Variants in STAM2 observed in about 807,000 individuals in gnomAD.
STAM2 encodes the protein signal transducing adaptor molecule 2, also known as signal transducing adapter molecule 2.
In STAM2, 51 loss-of-function variants were observed where a neutral mutation model predicts 65.6. The ratio of observed to expected loss-of-function variants is 0.78; its 90% CI spans 0.62 to 0.98. The LOEUF is 0.98. Ranked by LOEUF, STAM2 falls within the 50% of genes least tolerant of loss-of-function variation. The pLI is 0.00. For missense variants in STAM2, 584 were observed against 617.8 expected, an observed-to-expected ratio of 0.95 and a Z score of 0.58; for synonymous variants, 198 against 208.4, an observed-to-expected ratio of 0.95 and a Z score of 0.43.
At position 152,145,363 on chromosome 2, in the gene STAM2, C is replaced by T. The variant is rs561878127; in HGVS notation, c.448-406G>A. Among the ~76,000 whole-genome samples, 6 of 152,292 alleles carry T rather than the reference C, an allele frequency of 3.9e-5. No homozygotes were observed. In the South Asian group the frequency reaches 1.2e-3, roughly 32 times the overall value. On this transcript the variant is annotated intron_variant, in intron 5 of 13. Coordinates refer to ENST00000263904, the MANE Select transcript of STAM2 (RefSeq NM_005843.6). ...AGATTACAGGCATGAGCCACCATCA[C>T]TGGTCTAAAAGTGAAGTTCTTTATA...
chr2:152,124,163 T>C, intron 12 of STAM2: 1 of 488,388 alleles, frequency 2.0e-6, no homozygotes, highest in South Asian at 2.6e-5. Flanking sequence ...TACAGAGAGC[T>C]GGGAGAAAGA....
rs200267011 is a variant in STAM2, at chr2:152,120,815, T to A, written c.1350-13A>T. On this transcript the variant is annotated splice_polypyrimidine_tract_variant and intron_variant, in intron 13 of 13. Coordinates refer to ENST00000263904, the MANE Select transcript of STAM2 (RefSeq NM_005843.6). ...GTCTTGTCCAGTGCTACAAACAAAATTTTAAAAAGAAAACCATATTTACTT... is the reference window on the plus strand; with the variant it reads ...GTCTTGTCCAGTGCTACAAACAAAAATTTAAAAAGAAAACCATATTTACTT... 2,125 of 1,602,688 alleles carry A rather than the reference T, an allele frequency of 1.3e-3. 2 individuals are homozygous for A. The highest frequency in any genetic ancestry group is 1.7e-3 in the Non-Finnish European group (1,946 of 1,169,864).
At chr2:152,168,530 T>G (rs1338357117) in intron 1 of STAM2, among the ~76,000 whole-genome samples, 5 of 152,176 alleles carry the variant, frequency 3.3e-5, no homozygotes, top group Admixed American at 1.3e-4. Flanking sequence ...CACATCCACC[T>G]AACTACACTG....
chr2:152,162,077 C>T (rs1689688792), intron 1 of STAM2, among the ~76,000 whole-genome samples: 1 of 152,192 alleles, frequency 6.6e-6, no homozygotes, highest in South Asian at 2.1e-4. Flanking sequence ...CTCATCTTGG[C>T]CTCCCAAAGT....
At chr2:152,120,948 C>T (rs151041326) in intron 13 of STAM2, 146 bp from the exon 14 acceptor site, 9 of 637,970 alleles carry the variant, frequency 1.4e-5, no homozygotes, top group Non-Finnish European at 2.5e-5. Context: ...ATCATTCCAG[C>T]CATTGAATAC....
rs1187317228 is a variant in STAM2, at chr2:152,119,514, A to C, written c.*1060T>G. The C allele has an allele frequency of 6.6e-6, 1 of 152,130 alleles. No homozygotes were observed. Among genetic ancestry groups the C allele is most frequent in the South Asian group, 2.1e-4 (1 of 4,826 alleles). The allele number at this position is 152,130 out of a possible 1,614,324, so 9.4% of individuals were successfully genotyped here. On this transcript the variant is annotated 3_prime_UTR_variant, in exon 14 of 14. Transcript: ENST00000263904. ...AATCACCTCTTTAAAAAAACAACAC[A>C]CCACTAAAAACACACTTATCATCCA... is the stretch of plus-strand genomic sequence containing the variant.
intron 10 of STAM2, among the ~76,000 whole-genome samples, chr2:152,132,461 T>C (rs1441628359): frequency 6.6e-6 from 1 of 152,166 alleles, no homozygotes; most frequent in African/African-American, 2.4e-5. Context: ...TCTAGAAAAC[T>C]ATGATTAGTT....
At chr2:152,137,181 C>T (rs1233221311) in intron 7 of STAM2, among the ~76,000 whole-genome samples, 1 of 152,100 alleles carries the variant, frequency 6.6e-6, no homozygotes, top group Non-Finnish European at 1.5e-5. Context: ...AGCCACCGCA[C>T]CCGGCCATAA....
rs147447051 is a variant in STAM2, at chr2:152,168,662, A to G, written c.40+6941T>C. Among the ~76,000 whole-genome samples, 396 of 152,328 alleles carry G rather than the reference A, an allele frequency of 2.6e-3. 1 individual carries two copies. The highest frequency in any genetic ancestry group is 4.1e-3 in the African/African-American group (171 of 41,578). On this transcript the variant is annotated intron_variant, in intron 1 of 13. Transcript: ENST00000263904. ...AATAAAAATATATTTTAAACCATCA[A>G]TATCAGCTGATGTGAAACAAAAATA...
At chr2:152,132,092 A>G (rs957739388) in intron 11 of STAM2, 22 bp downstream of exon 11, 2 of 1,559,160 alleles carry the variant, frequency 1.3e-6, no homozygotes, top group East Asian at 4.9e-5. Context: ...TATACTTTTT[A>G]TTCCTGCACG....
chr2:152,132,165 A>G lies in STAM2; in HGVS notation c.974T>C (p.Ile325Thr), dbSNP rs748159106. The G allele has an allele frequency of 9.3e-6, 15 of 1,606,778 alleles. No individual in the cohort carries two copies. The highest frequency in any genetic ancestry group is 1.2e-5 in the Non-Finnish European group (14 of 1,176,004). ...TATCATTGGACCCATCTGTTGGCAG[A>G]TATCTGTAAATACAAAAATACTTAC... ...DSQDLLDLEDICQQMGPMIDE... is the reference protein window; with the variant it reads ...DSQDLLDLEDTCQQMGPMIDE... Residue 325 changes from isoleucine to threonine, a missense_variant, in exon 11 of 14, where the codon ATC becomes ACC. Coordinates refer to ENST00000263904, the MANE Select transcript of STAM2 (RefSeq NM_005843.6).
intron 1 of STAM2, among the ~76,000 whole-genome samples, chr2:152,155,246 T>A (rs889831089): frequency 2.0e-5 from 3 of 152,296 alleles, no homozygotes; most frequent in Non-Finnish European, 4.4e-5. Flanking sequence ...CTCCTCCACA[T>A]CCCATTAGCC....
Position 152,150,816 on chromosome 2 carries a change from TAGAA to T in STAM2, c.41-591_41-588del, listed in dbSNP as rs1689430289. On this transcript the variant is annotated intron_variant, in intron 1 of 13. Coordinates refer to ENST00000263904, the MANE Select transcript of STAM2 (RefSeq NM_005843.6). ...GTGAGACTCTACCTCTTAAAAAAAT[TAGAA>T]AGTATATCATACAAGTAAATATGCA... Among the ~76,000 whole-genome samples, 3 of 152,160 alleles carry T rather than the reference TAGAA, an allele frequency of 2.0e-5. No homozygotes were observed. The South Asian group carries it at 6.2e-4, about 32-fold the overall frequency.
intron 1 of STAM2, among the ~76,000 whole-genome samples, chr2:152,155,205 TG>T (rs1689520191): frequency 6.6e-6 from 1 of 152,222 alleles, no homozygotes; most frequent in Non-Finnish European, 1.5e-5. Context: ...CATAAATATT[TG>T]TTTCATGAGT....
At chr2:152,158,413 T>C (rs1579330219) in intron 1 of STAM2, among the ~76,000 whole-genome samples, 1 of 150,976 alleles carries the variant, frequency 6.6e-6, no homozygotes, top group Non-Finnish European at 1.5e-5. Context: ...GAAGCGGAGG[T>C]TGCAGTGAGC....
At chr2:152,127,231 C>A (rs1173584336) in intron 11 of STAM2, among the ~76,000 whole-genome samples, 1 of 142,532 alleles carries the variant, frequency 7.0e-6, no homozygotes, top group Non-Finnish European at 1.5e-5. Context: ...TTGTCCAATT[C>A]TTTGTTCAAA....
Position 152,117,685 on chromosome 2 carries a change from C to G in STAM2, c.*2889G>C, listed in dbSNP as rs1348037641. ...CTTTCTTATAGCAATTCAATAAGCCCTCTCCTAGAACTCAGGGGCTTTTAA... is the reference window on the plus strand; with the variant it reads ...CTTTCTTATAGCAATTCAATAAGCCGTCTCCTAGAACTCAGGGGCTTTTAA... On this transcript the variant is annotated 3_prime_UTR_variant, in exon 14 of 14. Coordinates refer to ENST00000263904, the MANE Select transcript of STAM2 (RefSeq NM_005843.6). The G allele has an allele frequency of 6.6e-6, 1 of 152,028 alleles. No homozygotes were observed. The highest frequency in any genetic ancestry group is 1.5e-5 in the Non-Finnish European group (1 of 67,994). 9.4% of individuals were successfully genotyped at this position (152,028 alleles called of 1,614,324 possible).
At chr2:152,160,382 C>T (rs1406181573) in intron 1 of STAM2, among the ~76,000 whole-genome samples, 11 of 151,982 alleles carry the variant, frequency 7.2e-5, no homozygotes, top group African/African-American at 1.2e-4. Flanking sequence ...TGCCCTGCCA[C>T]CCCGTCTGGG....
chr2:152,123,213 T>C (rs911649516), intron 13 of STAM2, among the ~76,000 whole-genome samples: 1 of 150,944 alleles, frequency 6.6e-6, no homozygotes, highest in Non-Finnish European at 1.5e-5. Flanking sequence ...CTACTAAAAA[T>C]ACAAAAAAAT....
Sources: allele counts gnomAD v4.1 joint callset (sites outside exome capture counted in the v4.1 genomes callset), GRCh38; gene constraint gnomAD v4.1.1; transcripts MANE v1.5; gene names NCBI Gene and HGNC (gene_info 2026-07-23, HGNC 2026-07-21).